Variants in CTNNA2 observed in about 807,000 individuals in gnomAD.
CTNNA2 encodes catenin alpha 2.
CTNNA2 carries 42 observed loss-of-function variants against 101.0 expected under a neutral mutation model. The observed-to-expected ratio is 0.42, with a 90% CI of 0.32 to 0.54. The LOEUF is 0.54. CTNNA2 is among the 20% of genes least tolerant of loss of function. The pLI is 0.14. For missense variants in CTNNA2, 871 were observed against 1,223.1 expected (o/e 0.71, Z 4.29); for synonymous variants, 450 against 456.4 (o/e 0.99, Z 0.18).
intron 7 of CTNNA2, among the ~76,000 whole-genome samples, chr2:80,244,065 C>A (rs1465709236): frequency 1.3e-5 from 2 of 152,212 alleles, no homozygotes; most frequent in South Asian, 2.1e-4. Flanking sequence ...AAACACAGAC[C>A]AAGGGATATT....
At chr2:80,318,392 C>T (rs1678337868) in intron 7 of CTNNA2, among the ~76,000 whole-genome samples, 1 of 152,134 alleles carries the variant, frequency 6.6e-6, no homozygotes, top group African/African-American at 2.4e-5. Flanking sequence ...AGAGCAAAGT[C>T]CAGGTTGTAT....
chr2:80,296,919 C>T (rs1675797113), intron 7 of CTNNA2, among the ~76,000 whole-genome samples: 1 of 152,164 alleles, frequency 6.6e-6, no homozygotes, highest in Non-Finnish European at 1.5e-5. Flanking sequence ...GTACCATAGA[C>T]ACATGATCCA....
At chr2:80,245,822 T>TTTTTTTTTTG (rs1558937542) in intron 7 of CTNNA2, among the ~76,000 whole-genome samples, 2 of 135,548 alleles carry the variant, frequency 1.5e-5, no homozygotes, top group African/African-American at 5.8e-5. Context: ...TTTTTTTTTT[T>TTTTTTTTTTG]TGCACTCTGT....
intron 1 of CTNNA2, among the ~76,000 whole-genome samples, chr2:79,525,401 A>C (rs1672348064): frequency 6.6e-6 from 1 of 151,964 alleles, no homozygotes; most frequent in African/African-American, 2.4e-5. Flanking sequence ...AATTGCCTTG[A>C]ATTGTAATTG....
rs559971860 is a variant in CTNNA2, at chr2:79,977,056, A to C, written c.1056+67259A>C. Among the ~76,000 whole-genome samples the C allele has an allele frequency of 1.6e-4, 24 of 152,300 alleles. No individual in the cohort carries two copies. The East Asian group carries it at 3.7e-3, about 23-fold the overall frequency. On this transcript the variant is annotated intron_variant, in intron 7 of 18. Coordinates refer to ENST00000402739, the MANE Select transcript of CTNNA2 (RefSeq NM_001282597.3). The stretch of plus-strand genomic sequence containing the variant: ...ACTTTCTGATTCACACAGAGCTTGA[A>C]ACTTAAATGTTCTACATATATTTAA...
chr2:79,983,153 G>T (rs958814076), intron 7 of CTNNA2, among the ~76,000 whole-genome samples: 1 of 148,330 alleles, frequency 6.7e-6, no homozygotes, highest in Non-Finnish European at 1.5e-5. Context: ...TATATATTTT[G>T]TATATCACAT....
chr2:80,080,948 T>TA (rs79785271), intron 7 of CTNNA2, among the ~76,000 whole-genome samples: 27,785 of 87,384 alleles, frequency 0.32, 5,085 homozygotes, highest in South Asian at 0.53. Flanking sequence ...TTCTCCCACT[T>TA]AAAAAAAAAA....
chr2:80,345,371 G>A (rs1672640873), intron 7 of CTNNA2, among the ~76,000 whole-genome samples: 1 of 152,098 alleles, frequency 6.6e-6, no homozygotes, highest in Non-Finnish European at 1.5e-5. Flanking sequence ...TTCATGACTT[G>A]TTTCTCCAGC....
intron 1 of CTNNA2, among the ~76,000 whole-genome samples, chr2:79,601,014 C>A (rs1044493057): frequency 6.6e-6 from 1 of 152,162 alleles, no homozygotes; most frequent in Non-Finnish European, 1.5e-5. Flanking sequence ...GGGACACAAA[C>A]ATTCAATTCG....
chr2:80,473,935 A>C (rs1685513353), intron 9 of CTNNA2, among the ~76,000 whole-genome samples: 2 of 152,198 alleles, frequency 1.3e-5, no homozygotes, highest in African/African-American at 4.8e-5. Flanking sequence ...ATGTATAAAC[A>C]TTTGAATCCC....
intron 6 of CTNNA2, among the ~76,000 whole-genome samples, chr2:79,900,403 A>G (rs1027379864): frequency 4.6e-5 from 7 of 152,244 alleles, no homozygotes; most frequent in Admixed American, 1.3e-4. Flanking sequence ...TCAAAATAAC[A>G]TAATGAATAA....
At chr2:80,433,512 C>T (rs1379283117) in intron 9 of CTNNA2, among the ~76,000 whole-genome samples, 3 of 151,942 alleles carry the variant, frequency 2.0e-5, no homozygotes, top group African/African-American at 4.8e-5. Flanking sequence ...AGGCTGTCGC[C>T]GCAGGGTCAA....
intron 7 of CTNNA2, among the ~76,000 whole-genome samples, chr2:80,082,701 C>A (rs1482853124): frequency 6.6e-6 from 1 of 152,096 alleles, no homozygotes; most frequent in Non-Finnish European, 1.5e-5. Context: ...TTAAAGTTAT[C>A]TTTATTAGAT....
intron 9 of CTNNA2, among the ~76,000 whole-genome samples, chr2:80,525,816 C>T (rs1026299748): frequency 6.6e-6 from 1 of 152,132 alleles, no homozygotes; most frequent in African/African-American, 2.4e-5. Context: ...ACCTTACGCG[C>T]TGGCAGGATT....
intron 3 of CTNNA2, among the ~76,000 whole-genome samples, chr2:79,791,975 A>G (rs1464252135): frequency 6.6e-6 from 1 of 152,210 alleles, no homozygotes; most frequent in Non-Finnish European, 1.5e-5. Context: ...TCGTAATTGA[A>G]TTTCTTAAGA....
intron 3 of CTNNA2, among the ~76,000 whole-genome samples, chr2:79,314,683 T>G (rs923100850): frequency 6.6e-6 from 1 of 152,200 alleles, no homozygotes. Context: ...CAGAGATAGA[T>G]AGGAATTGTT....
At chr2:79,499,431 G>C (rs999415490) in intron 4 of CTNNA2, among the ~76,000 whole-genome samples, 6 of 152,084 alleles carry the variant, frequency 3.9e-5, no homozygotes, top group Admixed American at 2.0e-4. Context: ...TCTCCATATA[G>C]CAGTCACAGC....
At chr2:79,899,445 A>G (rs1367990549) in intron 6 of CTNNA2, among the ~76,000 whole-genome samples, 1 of 152,210 alleles carries the variant, frequency 6.6e-6, no homozygotes, top group East Asian at 1.9e-4. Context: ...AGATTTCACA[A>G]TCCAGTAGGA....
At chr2:79,572,334 TA>T in intron 1 of CTNNA2, among the ~76,000 whole-genome samples, 1 of 152,178 alleles carries the variant, frequency 6.6e-6, no homozygotes, top group Non-Finnish European at 1.5e-5. Flanking sequence ...AAAAATAAGT[TA>T]AGCTGAAAAT....
Sources: allele counts gnomAD v4.1 joint callset (sites outside exome capture counted in the v4.1 genomes callset), GRCh38; gene constraint gnomAD v4.1.1; transcripts MANE v1.5; gene names NCBI Gene and HGNC (gene_info 2026-07-23, HGNC 2026-07-21).